The following SUFU variants were observed in gnomAD, a reference collection of about 807,000 sequenced individuals.
SUFU encodes the protein suppressor of fused homolog.
In SUFU, 7 loss-of-function variants were observed where a neutral mutation model predicts 58.9. The observed-to-expected ratio is 0.12, with a 90% CI of 0.07 to 0.22. The LOEUF is 0.22. Among genes scored for constraint, SUFU ranks in the 10% least tolerant of loss-of-function variants. The pLI is 1.00. For synonymous variants in SUFU, 232 were observed against 254.8 expected (o/e 0.91, Z 0.85); for missense variants, 451 against 641.3 (o/e 0.70, Z 3.20).
intron 8 of SUFU, among the ~76,000 whole-genome samples, chr10:102,606,951 C>T (rs893955779): frequency 6.6e-6 from 1 of 151,734 alleles, no homozygotes; most frequent in Non-Finnish European, 1.5e-5. Flanking sequence ...CAGGTGGGAG[C>T]GGGTTGGAAG....
At chr10:102,551,886 G>A (rs2062921841) in intron 3 of SUFU, among the ~76,000 whole-genome samples, 1 of 150,680 alleles carries the variant, frequency 6.6e-6, no homozygotes, top group South Asian at 2.1e-4. Context: ...CACCACGCCT[G>A]GCTAATTTTT....
chr10:102,595,199 T>C (rs903456068), intron 6 of SUFU, among the ~76,000 whole-genome samples: 9 of 152,216 alleles, frequency 5.9e-5, no homozygotes, highest in Non-Finnish European at 1.2e-4. Flanking sequence ...GGGAGTTCCA[T>C]GTGTTAGAGC....
At chr10:102,544,291 C>A (rs569258635) in intron 2 of SUFU, among the ~76,000 whole-genome samples, 5 of 152,150 alleles carry the variant, frequency 3.3e-5, no homozygotes, top group Non-Finnish European at 7.3e-5. Context: ...GAGATGCCAG[C>A]TTTTTAAAAA....
intron 3 of SUFU, among the ~76,000 whole-genome samples, chr10:102,555,950 TTGTGC>T (rs1157898667): frequency 6.6e-6 from 1 of 152,262 alleles, no homozygotes; most frequent in Non-Finnish European, 1.5e-5. Flanking sequence ...CTTGCCTCAC[TTGTGC>T]TGTCCACCTT....
At chr10:102,622,962 G>GC in intron 10 of SUFU, among the ~76,000 whole-genome samples, 1 of 130,070 alleles carries the variant, frequency 7.7e-6, no homozygotes, top group East Asian at 2.3e-4. Flanking sequence ...TTGCACTCCA[G>GC]CCTGGAAAAC....
At chr10:102,545,141 CT>C (rs1411731360) in intron 2 of SUFU, among the ~76,000 whole-genome samples, 3 of 151,222 alleles carry the variant, frequency 2.0e-5, no homozygotes, top group African/African-American at 7.3e-5. Context: ...CAAGGTCTTA[CT>C]CTGTCACCCA....
At chr10:102,595,751 C>G (rs1337191804) in intron 6 of SUFU, among the ~76,000 whole-genome samples, 2 of 152,196 alleles carry the variant, frequency 1.3e-5, no homozygotes, top group African/African-American at 4.8e-5. Context: ...ATTCACTGTG[C>G]CTTTCTGGGG....
intron 3 of SUFU, 135 bp from the exon 4 acceptor site, chr10:102,592,447 A>C: frequency 1.0e-6 from 1 of 968,716 alleles, no homozygotes; most frequent in Non-Finnish European, 1.6e-6. Context: ...TCCGGAGTGA[A>C]TGCTTCTCTT....
chr10:102,516,530 T>C (rs2062472561), intron 2 of SUFU, among the ~76,000 whole-genome samples: 1 of 152,052 alleles, frequency 6.6e-6, no homozygotes, highest in Non-Finnish European at 1.5e-5. Context: ...AAAAAACTTG[T>C]CCAGCTGGCC....
intron 2 of SUFU, among the ~76,000 whole-genome samples, chr10:102,544,313 C>T (rs979967314): frequency 1.3e-5 from 2 of 152,152 alleles, no homozygotes; most frequent in African/African-American, 4.8e-5. Flanking sequence ...AAATCATATA[C>T]CATGAAATTC....
At chr10:102,521,808 A>G (rs1354688544) in intron 2 of SUFU, among the ~76,000 whole-genome samples, 3 of 152,196 alleles carry the variant, frequency 2.0e-5, no homozygotes, top group East Asian at 1.9e-4. Context: ...TAAATTCGTT[A>G]TTGTTATCCA....
intron 2 of SUFU, among the ~76,000 whole-genome samples, chr10:102,529,923 GAC>G (rs1445713839): frequency 6.7e-6 from 1 of 148,382 alleles, no homozygotes; most frequent in East Asian, 2.0e-4. Flanking sequence ...CCAGCCTAGC[GAC>G]AGAGTGAGAC....
intron 2 of SUFU, among the ~76,000 whole-genome samples, chr10:102,533,501 G>A (rs1458338001): frequency 6.6e-6 from 1 of 151,980 alleles, no homozygotes. Context: ...CTGAGCCCAA[G>A]AGGCTGAGGC....
intron 2 of SUFU, among the ~76,000 whole-genome samples, chr10:102,515,082 C>T (rs1325004568): frequency 6.6e-6 from 1 of 152,174 alleles, no homozygotes; most frequent in Non-Finnish European, 1.5e-5. Context: ...CAGTTCTGCA[C>T]CCCCCGTGGG....
chr10:102,556,935 CA>C, intron 3 of SUFU, among the ~76,000 whole-genome samples: 1 of 150,004 alleles, frequency 6.7e-6, no homozygotes, highest in Non-Finnish European at 1.5e-5. Context: ...ACTAAAAATA[CA>C]AAAAATTAGC....
chr10:102,592,103 G>A (rs1373575276), intron 3 of SUFU, among the ~76,000 whole-genome samples: 2 of 152,194 alleles, frequency 1.3e-5, no homozygotes, highest in East Asian at 1.9e-4. Context: ...TCCAAGGTTC[G>A]ATGTTTCCTT....
At chr10:102,542,834 A>G (rs1307378791) in intron 2 of SUFU, among the ~76,000 whole-genome samples, 1 of 152,092 alleles carries the variant, frequency 6.6e-6, no homozygotes, top group Non-Finnish European at 1.5e-5. Flanking sequence ...CATGTTGCCC[A>G]GCCTGGTGTC....
chr10:102,607,043 G>A (rs553394266), intron 8 of SUFU, among the ~76,000 whole-genome samples: 32 of 150,660 alleles, frequency 2.1e-4, no homozygotes, highest in African/African-American at 6.8e-4. Flanking sequence ...AGGATGTGTG[G>A]ACCATTGGTA....
intron 3 of SUFU, among the ~76,000 whole-genome samples, chr10:102,568,893 AAAAAAT>A (rs2063123957): frequency 6.0e-5 from 2 of 33,440 alleles, no homozygotes; most frequent in African/African-American, 3.3e-4. Flanking sequence ...AAAAAAAAAA[AAAAAAT>A]ATATATATAT....
Sources: gnomAD v4.1 joint callset for allele counts (sites outside exome capture counted in the v4.1 genomes callset) on GRCh38, gnomAD v4.1.1 for gene constraint, MANE v1.5 for transcripts, NCBI Gene and HGNC (gene_info 2026-07-23, HGNC 2026-07-21) for gene names.